Variants in CHD7 observed in about 807,000 individuals in gnomAD.
The protein encoded by CHD7 is chromodomain helicase DNA binding protein 7.
Under a neutral mutation model 307.3 loss-of-function variants are expected in CHD7, and 24 were observed. The ratio of observed to expected loss-of-function variants is 0.08; its 90% CI spans 0.06 to 0.11. The LOEUF (loss-of-function observed/expected upper bound fraction) is 0.11, where lower values mean the gene tolerates loss of function less well. Among genes scored for constraint, CHD7 ranks in the 10% least tolerant of loss-of-function variants. The probability of loss-of-function intolerance (pLI) is 1.00; values close to 1 mark genes in which losing one functional copy is unlikely to be tolerated. For missense variants in CHD7, 3,106 were observed against 3,727.1 expected (o/e 0.83, Z 4.34); for synonymous variants, 1,363 against 1,349.9 (o/e 1.01, Z -0.21).
intron 7 of CHD7, among the ~76,000 whole-genome samples, chr8:60,810,045 A>G (rs1375477668): frequency 6.6e-6 from 1 of 152,126 alleles, no homozygotes; most frequent in Non-Finnish European, 1.5e-5. Context: ...TATTCAAGGG[A>G]TTATAACTCT....
At chr8:60,680,777 T>C (rs1805586187) in intron 1 of CHD7, among the ~76,000 whole-genome samples, 2 of 152,246 alleles carry the variant, frequency 1.3e-5, no homozygotes, top group Non-Finnish European at 2.9e-5. Context: ...CCTTTTGAAT[T>C]GCTAGAATTA....
intron 17 of CHD7, among the ~76,000 whole-genome samples, chr8:60,837,385 GT>G (rs1276177977): frequency 1.3e-5 from 2 of 152,256 alleles, no homozygotes; most frequent in East Asian, 3.9e-4. Context: ...CAAAATCAGA[GT>G]GCCAGCAGAG....
intron 1 of CHD7, among the ~76,000 whole-genome samples, chr8:60,690,557 G>T (rs34833917): frequency 0.098 from 14,915 of 152,154 alleles, 1,553 homozygotes; most frequent in African/African-American, 0.26. Context: ...CTACTCTGGG[G>T]TGCTGAGAGC....
At chr8:60,693,903 C>A (rs1484165725) in intron 1 of CHD7, among the ~76,000 whole-genome samples, 1 of 152,256 alleles carries the variant, frequency 6.6e-6, no homozygotes, top group Non-Finnish European at 1.5e-5. Context: ...GAGTGTCATG[C>A]CAGCACCATG....
chr8:60,779,167 C>T (rs776348720), intron 2 of CHD7, among the ~76,000 whole-genome samples: 1 of 152,210 alleles, frequency 6.6e-6, no homozygotes, highest in Non-Finnish European at 1.5e-5. Context: ...ACCTATCAAT[C>T]ACCTAACCCA....
chr8:60,828,184 A>T (rs140340396), intron 13 of CHD7, among the ~76,000 whole-genome samples: 1,546 of 152,340 alleles, frequency 0.01, 14 homozygotes, highest in Non-Finnish European at 0.014. Context: ...TTTTTGCAGA[A>T]CAAAATAGTT....
chr8:60,828,362 G>A (rs1193080386), intron 13 of CHD7, among the ~76,000 whole-genome samples: 1 of 152,116 alleles, frequency 6.6e-6, no homozygotes, highest in African/African-American at 2.4e-5. Flanking sequence ...GGGGATAAAA[G>A]CATTGAGACT....
chr8:60,707,232 C>A (rs1013617652), intron 1 of CHD7, among the ~76,000 whole-genome samples: 1 of 152,176 alleles, frequency 6.6e-6, no homozygotes, highest in Non-Finnish European at 1.5e-5. Context: ...ATTCATGCAT[C>A]CACAGAGGCT....
At chr8:60,804,623 T>C (rs1812457962) in intron 6 of CHD7, among the ~76,000 whole-genome samples, 1 of 152,216 alleles carries the variant, frequency 6.6e-6, no homozygotes, top group Non-Finnish European at 1.5e-5. Flanking sequence ...CCACGCCTTA[T>C]TGATAACTTT....
At chr8:60,818,634 G>T (rs1803870699) in intron 8 of CHD7, among the ~76,000 whole-genome samples, 1 of 152,012 alleles carries the variant, frequency 6.6e-6, no homozygotes. Flanking sequence ...TGAGATACTT[G>T]AGACATATGT....
intron 2 of CHD7, among the ~76,000 whole-genome samples, chr8:60,774,997 T>C (rs926013693): frequency 1.3e-5 from 2 of 152,072 alleles, no homozygotes; most frequent in African/African-American, 4.8e-5. Context: ...GTTCATTATT[T>C]CCATTGTTTC....
intron 9 of CHD7, 150 bp from the exon 10 acceptor site, chr8:60,821,639 TA>T: frequency 1.8e-6 from 1 of 545,498 alleles, no homozygotes; most frequent in Non-Finnish European, 2.9e-6. Flanking sequence ...TGTATATGTA[TA>T]AACATATATA....
chr8:60,783,335 T>C (rs1811350338), intron 3 of CHD7, among the ~76,000 whole-genome samples: 1 of 152,168 alleles, frequency 6.6e-6, no homozygotes. Context: ...TGTAAGAAAC[T>C]GTTTGAAAGT....
In CHD7 at chr8:60,741,752, C is replaced by A. The variant is rs1057234037; in HGVS notation, c.320C>A (p.Thr107Asn). ...GCGTCTCCGCACTCGCAGTATCACA[C>A]CCCTCCCGTTCCTCAGGTGCCCCAT... ...GLASPHSQYH[T>N]PPVPQVPHGG... The change falls in exon 2 of 38, where the codon ACC becomes AAC. Residue 107 changes from threonine to asparagine, a missense_variant. Transcript: ENST00000423902. 6.8e-6 allele frequency: 11 copies of A among 1,613,810 alleles called. No individual in the cohort carries two copies. The highest frequency in any genetic ancestry group is 8.5e-6 in the Non-Finnish European group (10 of 1,179,864).
chr8:60,706,292 A>G (rs1807019277), intron 1 of CHD7, among the ~76,000 whole-genome samples: 1 of 152,214 alleles, frequency 6.6e-6, no homozygotes, highest in Non-Finnish European at 1.5e-5. Context: ...TTAAGTTGAT[A>G]ATGTTCAGGA....
intron 1 of CHD7, among the ~76,000 whole-genome samples, chr8:60,691,359 C>T (rs1806186707): frequency 6.6e-6 from 1 of 152,162 alleles, no homozygotes; most frequent in Non-Finnish European, 1.5e-5. Context: ...ACTTGTTTCA[C>T]CTAATACTAG....
At chr8:60,849,990 G>A (rs938560499) in intron 25 of CHD7, among the ~76,000 whole-genome samples, 24 of 152,130 alleles carry the variant, frequency 1.6e-4, no homozygotes, top group Non-Finnish European at 2.1e-4. Flanking sequence ...AGAGGGAACC[G>A]TGTCATCTTA....
chr8:60,737,263 A>G (rs1808757385), intron 1 of CHD7, among the ~76,000 whole-genome samples: 1 of 152,156 alleles, frequency 6.6e-6, no homozygotes, highest in South Asian at 2.1e-4. Flanking sequence ...CATTTTTGGA[A>G]AGGAAATTCA....
At chr8:60,739,691 ATGT>A (rs1808894287) in intron 1 of CHD7, among the ~76,000 whole-genome samples, 2 of 152,206 alleles carry the variant, frequency 1.3e-5, no homozygotes, top group African/African-American at 4.8e-5. Flanking sequence ...GTGAACAGGA[ATGT>A]TGTTTACATT....
Sources: gnomAD v4.1 joint callset for allele counts (sites outside exome capture counted in the v4.1 genomes callset) on GRCh38, gnomAD v4.1.1 for gene constraint, MANE v1.5 for transcripts, NCBI Gene and HGNC (gene_info 2026-07-23, HGNC 2026-07-21) for gene names.